Variants in SLC23A1 observed in about 807,000 individuals in gnomAD.
SLC23A1 encodes solute carrier family 23 member 1, also known as Na(+)/L-ascorbic acid transporter 1.
A neutral mutation model predicts 62.5 loss-of-function variants in SLC23A1; 31 were observed. The ratio of observed to expected loss-of-function variants is 0.50; its 90% CI spans 0.37 to 0.67. The LOEUF (loss-of-function observed/expected upper bound fraction) is 0.67. Among genes scored for constraint, SLC23A1 ranks in the 30% least tolerant of loss-of-function variants. The pLI is 0.00. For missense variants in SLC23A1, 640 were observed against 782.7 expected, an observed-to-expected ratio of 0.82 and a Z score of 2.18; for synonymous variants, 271 against 313.2, an observed-to-expected ratio of 0.87 and a Z score of 1.42.
At position 139,382,586 on chromosome 5, in the gene SLC23A1, G is replaced by T; in HGVS notation, c.56C>A (p.Pro19His). 6.2e-7 allele frequency: 1 copy of T among 1,612,832 alleles called. No homozygotes were observed. ...AGGCTCTGTGGGTAGCGGGGTCGAG[G>T]GGTCCCTGGTGGTTTCATGCTGGAG... Reference protein sequence around the residue: ...GRTQHETTRDPSTPLPTEPKF... With the variant: ...GRTQHETTRDHSTPLPTEPKF... The change falls in exon 2 of 15, where the codon CCC becomes CAC. Residue 19 changes from proline to histidine, a missense_variant. By Grantham distance (77) the Pro-to-His change is moderately conservative (BLOSUM62 -2). Coordinates refer to ENST00000348729, the MANE Select transcript of SLC23A1 (RefSeq NM_005847.5).
intron 2 of SLC23A1, 90 bp from the exon 3 acceptor site, chr5:139,382,139 C>T (rs953658655): frequency 3.9e-5 from 53 of 1,369,554 alleles, no homozygotes; most frequent in Admixed American, 8.5e-5. Context: ...CCTGCCTCAG[C>T]GGGCCTGGAA....
At chr5:139,370,577 T>C (rs1430070954) in intron 14 of SLC23A1, among the ~76,000 whole-genome samples, 1 of 151,666 alleles carries the variant, frequency 6.6e-6, no homozygotes, top group African/African-American at 2.4e-5. Context: ...CAATGCAACC[T>C]CTGCCTCCTG....
rs561292692 is a variant in SLC23A1, at chr5:139,370,547, G to A, written c.*19+1440C>T. On this transcript the variant is annotated intron_variant, in intron 14 of 14. Transcript: ENST00000348729. ...CTCACTCTGTCACCAAGGCTGGAGT[G>A]CAGTCATGCAATCTCAGTTCAATGC... 4.6e-5 allele frequency among the ~76,000 whole-genome samples: 7 copies of A among 151,644 alleles called. No individual in the cohort carries two copies. The South Asian group carries it at 8.3e-4, about 18-fold the overall frequency.
At position 139,382,043 on chromosome 5, in the gene SLC23A1, G is replaced by A. The variant is rs1392633283; in HGVS notation, c.157C>T (p.Leu53=). ...GCGATGGTACCACTGAAGCATGTCA[G>A]GTAGTGCTGGGCAGAGGGAGACAGC... is the stretch of plus-strand genomic sequence containing the variant. ...LCILLGFQHY[L]TCFSGTIAVP... Residue 53 remains leucine (L), a synonymous_variant, in exon 3 of 15, where the codon CTG becomes TTG. Coordinates refer to ENST00000348729, the MANE Select transcript of SLC23A1 (RefSeq NM_005847.5). 1 of 1,608,138 alleles carries A rather than the reference G, an allele frequency of 6.2e-7. No homozygotes were observed. The highest frequency in any genetic ancestry group is 1.3e-5 in the African/African-American group (1 of 74,860).
At chr5:139,377,894 T>C in intron 12 of SLC23A1, 81 bp downstream of exon 12, 1 of 1,392,980 alleles carries the variant, frequency 7.2e-7, no homozygotes, top group Non-Finnish European at 9.9e-7. Flanking sequence ...GCTGTAGCTG[T>C]GTGGAGCCTT....
upstream of SLC23A1, chr5:139,384,471 G>A (rs1181025423): frequency 3.9e-6 from 5 of 1,289,734 alleles, no homozygotes; most frequent in Admixed American, 2.3e-5. Flanking sequence ...GCCTGCCGGT[G>A]TCCACACTGT....
intron 13 of SLC23A1, among the ~76,000 whole-genome samples, chr5:139,372,633 G>A (rs1016838175): frequency 6.6e-5 from 10 of 152,098 alleles, no homozygotes; most frequent in Admixed American, 3.9e-4. Context: ...TGCCCAGGCT[G>A]GAGTGCACTG....
At chr5:139,380,704 G>T in intron 4 of SLC23A1, 72 bp from the exon 5 acceptor site, 1 of 1,478,378 alleles carries the variant, frequency 6.8e-7, no homozygotes, top group Non-Finnish European at 9.5e-7. Context: ...TGCTGCCATG[G>T]CTGCACCCTG....
Position 139,383,215 on chromosome 5 carries a change from C to A in SLC23A1, c.36+3G>T. 1 of 1,562,206 alleles carries A rather than the reference C, an allele frequency of 6.4e-7. No homozygotes were observed. ...CCTAGCCCCCACCCCCAGCCCCCAG[C>A]ACCTGTGTCCGGCCCTCGAGGTCCT... On this transcript the variant is annotated splice_donor_region_variant and intron_variant, in intron 1 of 14. Transcript: ENST00000348729.
intron 14 of SLC23A1, among the ~76,000 whole-genome samples, chr5:139,371,786 G>C (rs553103964): frequency 2.7e-4 from 41 of 152,318 alleles, no homozygotes; most frequent in African/African-American, 9.9e-4. Context: ...CACTAGTTGG[G>C]AAGTTCTGCT....
At chr5:139,377,601 C>T in intron 12 of SLC23A1, 104 bp from the exon 13 acceptor site, 1 of 704,380 alleles carries the variant, frequency 1.4e-6, no homozygotes, top group Non-Finnish European at 2.6e-6. Flanking sequence ...GTACAAAGCC[C>T]TGTCTCAAAC....
chr5:139,368,669 C>T (rs1324743934), intron 14 of SLC23A1: 1 of 1,067,276 alleles, frequency 9.4e-7, no homozygotes, highest in African/African-American at 1.6e-5. Flanking sequence ...GCATGAGGAT[C>T]TAGATTGAAT....
At chr5:139,376,896 CG>C (rs1299886052) in intron 13 of SLC23A1, among the ~76,000 whole-genome samples, 2 of 152,064 alleles carry the variant, frequency 1.3e-5, no homozygotes, top group Non-Finnish European at 1.5e-5. Context: ...TTGAGGCGAG[CG>C]TATCACTTGA....
At chr5:139,381,831 C>G (rs1758277567) in intron 3 of SLC23A1, 61 bp downstream of exon 3, 1 of 1,380,042 alleles carries the variant, frequency 7.2e-7, no homozygotes, top group African/African-American at 1.5e-5. Context: ...CCACCTGCTC[C>G]TGCTGTGTGG....
intron 13 of SLC23A1, among the ~76,000 whole-genome samples, chr5:139,376,230 C>T (rs1240105684): frequency 1.4e-5 from 2 of 147,552 alleles, no homozygotes; most frequent in African/African-American, 5.0e-5. Flanking sequence ...AGTGCAATGG[C>T]ACGATCTCGG....
chr5:139,384,307 TTCTGTTCCCC>T (rs934623190), upstream of SLC23A1: 38 of 1,209,932 alleles, frequency 3.1e-5, no homozygotes, highest in Non-Finnish European at 4.0e-5. Flanking sequence ...GAGGTCCCCA[TTCTGTTCCCC>T]TCTGGGCTGC....
Position 139,380,272 on chromosome 5 carries a change from T to C in SLC23A1, c.583A>G (p.Ile195Val), listed in dbSNP as rs772382592. ...PLTVTPTVSL[I>V]GLSVFQAAGD... Reference sequence around the variant, plus strand: ...GCAGCTTGGAAGACAGAAAGGCCAATGAGGGAGACAGTGGGGGTGACTGTG... The same window carrying C: ...GCAGCTTGGAAGACAGAAAGGCCAACGAGGGAGACAGTGGGGGTGACTGTG... Residue 195 changes from isoleucine to valine, a missense_variant, in exon 6 of 15, where the codon ATT (isoleucine) becomes GTT (valine). Ile to Val is a conservative substitution (Grantham distance 29). Coordinates refer to ENST00000348729, the MANE Select transcript of SLC23A1 (RefSeq NM_005847.5). 1.5e-5 allele frequency: 24 copies of C among 1,585,190 alleles called. No homozygotes were observed. The East Asian group carries it at 1.8e-4, about 12-fold the overall frequency.
At chr5:139,377,881 G>A in intron 12 of SLC23A1, 94 bp downstream of exon 12, 1 of 1,284,384 alleles carries the variant, frequency 7.8e-7, no homozygotes, top group Non-Finnish European at 1.1e-6. Flanking sequence ...GGTACGATTT[G>A]TGGCTGTAGC....
upstream of SLC23A1, chr5:139,383,327 T>C: frequency 6.3e-7 from 1 of 1,583,154 alleles, no homozygotes; most frequent in Non-Finnish European, 8.6e-7. Flanking sequence ...AGGAGGACTT[T>C]ACTCCACATA....
Sources: gnomAD v4.1 joint callset for allele counts (sites outside exome capture counted in the v4.1 genomes callset) on GRCh38, gnomAD v4.1.1 for gene constraint, MANE v1.5 for transcripts, NCBI Gene and HGNC (gene_info 2026-07-23, HGNC 2026-07-21) for gene names.